Variants in PAK5 observed in about 807,000 individuals in gnomAD.
The protein encoded by PAK5 is p21 (RAC1) activated kinase 5.
In PAK5, 16 loss-of-function variants were observed where a neutral mutation model predicts 65.9. The ratio of observed to expected loss-of-function variants is 0.24; its 90% confidence interval spans 0.16 to 0.37. The LOEUF is 0.37. Ranked by LOEUF, PAK5 falls within the 10% of genes least tolerant of loss-of-function variation. The probability of loss-of-function intolerance (pLI) is 1.00; values close to 1 mark genes in which losing one functional copy is unlikely to be tolerated. For missense variants in PAK5, 785 were observed against 903.9 expected, an observed-to-expected ratio of 0.87 and a Z score of 1.69; for synonymous variants, 371 against 354.9, an observed-to-expected ratio of 1.05 and a Z score of -0.51.
chr20:9,798,821 G>A (rs1220142014), intron 1 of PAK5, among the ~76,000 whole-genome samples: 1 of 152,106 alleles, frequency 6.6e-6, no homozygotes, highest in Non-Finnish European at 1.5e-5. Context: ...TGGACCAGCA[G>A]CATCAGCCTC....
chr20:9,648,947 C>T (rs577000207), intron 2 of PAK5, among the ~76,000 whole-genome samples: 1 of 152,200 alleles, frequency 6.6e-6, no homozygotes, highest in African/African-American at 2.4e-5. Context: ...GCAGCCTCTC[C>T]TACAGAAGAA....
At chr20:9,702,011 A>G (rs1216926565) in intron 2 of PAK5, among the ~76,000 whole-genome samples, 3 of 152,112 alleles carry the variant, frequency 2.0e-5, no homozygotes, top group East Asian at 3.9e-4. Flanking sequence ...AAAAATTTAA[A>G]AAGAAGTAAT....
intron 1 of PAK5, among the ~76,000 whole-genome samples, chr20:9,821,497 T>C (rs957315568): frequency 1.3e-5 from 2 of 152,196 alleles, no homozygotes; most frequent in African/African-American, 4.8e-5. Flanking sequence ...AGTATCCTAT[T>C]GGCAATCACT....
chr20:9,562,604 G>T (rs1193058481), intron 6 of PAK5, among the ~76,000 whole-genome samples: 1 of 152,112 alleles, frequency 6.6e-6, no homozygotes, highest in Non-Finnish European at 1.5e-5. Context: ...CTATATAGGC[G>T]ACAGGACATT....
At position 9,802,910 on chromosome 20, in the gene PAK5, GTATA is replaced by G. The variant is rs57705525; in HGVS notation, c.-162+35848_-162+35851del. On this transcript the variant is annotated intron_variant, in intron 1 of 9. Transcript: ENST00000353224. ...CTTCTGTACTATTGTATATGTATGT[GTATA>G]TATATATATATATATATATGAATTA... 1.2e-3 allele frequency among the ~76,000 whole-genome samples: 54 copies of G among 46,378 alleles called. 4 individuals are homozygous for G. The highest frequency in any genetic ancestry group is 4.2e-3 in the South Asian group (3 of 712). 30.4% of individuals were successfully genotyped at this position (46,378 alleles called of 152,430 possible). A position where few individuals can be genotyped will look rare whatever the true frequency, so the allele number is the denominator to read the frequency against.
intron 1 of PAK5, among the ~76,000 whole-genome samples, chr20:9,801,057 T>C (rs1023300226): frequency 5.3e-5 from 8 of 152,172 alleles, no homozygotes; most frequent in African/African-American, 1.9e-4. Context: ...TCACATGCTT[T>C]TATTTTACAG....
chr20:9,549,344 A>T (rs1320477742), intron 7 of PAK5, among the ~76,000 whole-genome samples: 1 of 152,152 alleles, frequency 6.6e-6, no homozygotes, highest in African/African-American at 2.4e-5. Context: ...TAATATTCAA[A>T]ATATTCAATA....
chr20:9,600,408 AT>A, intron 3 of PAK5, among the ~76,000 whole-genome samples: 1 of 152,262 alleles, frequency 6.6e-6, no homozygotes, highest in South Asian at 2.1e-4. Flanking sequence ...TTAGATAGGG[AT>A]TGGATTGAAC....
At chr20:9,561,098 G>A (rs906845273) in intron 6 of PAK5, among the ~76,000 whole-genome samples, 3 of 152,138 alleles carry the variant, frequency 2.0e-5, no homozygotes, top group African/African-American at 4.8e-5. Context: ...TTAAGATTTC[G>A]AATACCAAGT....
chr20:9,682,577 T>G (rs1335994153), intron 2 of PAK5, among the ~76,000 whole-genome samples: 1 of 152,098 alleles, frequency 6.6e-6, no homozygotes, highest in Non-Finnish European at 1.5e-5. Context: ...TTGCAATGGT[T>G]TTATTGGTCT....
At chr20:9,602,879 C>T (rs1397118191) in intron 3 of PAK5, among the ~76,000 whole-genome samples, 1 of 152,224 alleles carries the variant, frequency 6.6e-6, no homozygotes, top group Non-Finnish European at 1.5e-5. Flanking sequence ...TCTACTCTAA[C>T]TAGAAAATAA....
chr20:9,695,278 G>A (rs1332474337), intron 2 of PAK5, among the ~76,000 whole-genome samples: 1 of 151,742 alleles, frequency 6.6e-6, no homozygotes, highest in Non-Finnish European at 1.5e-5. Flanking sequence ...TGGATATGTC[G>A]AACAAACGTA....
chr20:9,701,287 A>G (rs1430880530), intron 2 of PAK5, among the ~76,000 whole-genome samples: 2 of 152,304 alleles, frequency 1.3e-5, no homozygotes, highest in East Asian at 3.9e-4. Context: ...TGTACCACTT[A>G]CTATCATGTT....
chr20:9,554,140 A>C (rs1373431930), intron 7 of PAK5, among the ~76,000 whole-genome samples: 1 of 152,224 alleles, frequency 6.6e-6, no homozygotes, highest in Admixed American at 6.5e-5. Context: ...AGTATTTTCC[A>C]AAAATGCCAA....
chr20:9,648,636 C>T (rs191567434), intron 2 of PAK5, among the ~76,000 whole-genome samples: 24 of 152,220 alleles, frequency 1.6e-4, no homozygotes, highest in African/African-American at 5.8e-4. Context: ...TAGACTAACT[C>T]TTTTCTGCAG....
intron 1 of PAK5, among the ~76,000 whole-genome samples, chr20:9,776,482 G>A (rs935041043): frequency 1.4e-4 from 21 of 152,188 alleles, no homozygotes; most frequent in African/African-American, 5.1e-4. Context: ...TTTTCACTAA[G>A]TAGAACTTAA....
chr20:9,791,593 AT>A (rs2049051066), intron 1 of PAK5, among the ~76,000 whole-genome samples: 1 of 152,046 alleles, frequency 6.6e-6, no homozygotes. Flanking sequence ...ATCAGGCTGG[AT>A]TTGGACCTGA....
At chr20:9,776,041 A>C (rs1239473031) in intron 1 of PAK5, among the ~76,000 whole-genome samples, 1 of 152,242 alleles carries the variant, frequency 6.6e-6, no homozygotes, top group Non-Finnish European at 1.5e-5. Flanking sequence ...GGGGAAAGTG[A>C]AAAGATGGAA....
At chr20:9,589,658 C>G (rs1300088966) in intron 3 of PAK5, among the ~76,000 whole-genome samples, 1 of 152,020 alleles carries the variant, frequency 6.6e-6, no homozygotes, top group Non-Finnish European at 1.5e-5. Flanking sequence ...ATCCAAAAAG[C>G]CAATTTCTGT....
Sources: gnomAD v4.1 joint callset for allele counts (sites outside exome capture counted in the v4.1 genomes callset) on GRCh38, gnomAD v4.1.1 for gene constraint, MANE v1.5 for transcripts, NCBI Gene and HGNC (gene_info 2026-07-23, HGNC 2026-07-21) for gene names.